The following WDFY3 variants were observed in gnomAD, a reference collection of about 807,000 sequenced individuals.
The protein encoded by WDFY3 is WD repeat and FYVE domain-containing protein 3.
In WDFY3, 66 loss-of-function variants were observed where a neutral mutation model predicts 409.6. That is an observed-to-expected ratio of 0.16 (90% CI 0.13 to 0.20). WDFY3 has a LOEUF of 0.20. Among genes scored for constraint, WDFY3 ranks in the 10% least tolerant of loss-of-function variants. The pLI is 1.00. For synonymous variants in WDFY3, 1,521 were observed against 1,537.1 expected (o/e 0.99, Z 0.25); for missense variants, 3,031 against 4,298.1 (o/e 0.71, Z 8.24).
At chr4:84,696,884 A>G in intron 56 of WDFY3, 61 bp from the exon 57 acceptor site, 4 of 1,442,952 alleles carry the variant, frequency 2.8e-6, no homozygotes, top group Non-Finnish European at 3.9e-6. Flanking sequence ...TGGTAACTTT[A>G]TATTAATCTG....
At chr4:84,927,697 A>G (rs1343023432) in intron 2 of WDFY3, among the ~76,000 whole-genome samples, 1 of 152,064 alleles carries the variant, frequency 6.6e-6, no homozygotes, top group Non-Finnish European at 1.5e-5. Flanking sequence ...AGTGTCTGGC[A>G]TTTCCTCTGC....
At chr4:84,697,045 C>T (rs1324847070) in intron 56 of WDFY3, among the ~76,000 whole-genome samples, 1 of 152,192 alleles carries the variant, frequency 6.6e-6, no homozygotes, top group Non-Finnish European at 1.5e-5. Flanking sequence ...CTGAGGCCCT[C>T]ACTGCCAATG....
At chr4:84,693,550 G>T (rs373627305) in intron 58 of WDFY3, among the ~76,000 whole-genome samples, 10 of 151,814 alleles carry the variant, frequency 6.6e-5, no homozygotes, top group African/African-American at 2.2e-4. Flanking sequence ...TGTTGTAAAG[G>T]GAAAAAAGAA....
At chr4:84,759,609 T>C (rs1466789578) in intron 32 of WDFY3, among the ~76,000 whole-genome samples, 2 of 150,056 alleles carry the variant, frequency 1.3e-5, no homozygotes, top group Non-Finnish European at 3.0e-5. Flanking sequence ...TCTGTTTGTC[T>C]GTTATTGGTG....
At chr4:84,898,006 A>G (rs1013555703) in intron 2 of WDFY3, among the ~76,000 whole-genome samples, 13 of 152,222 alleles carry the variant, frequency 8.5e-5, no homozygotes, top group Non-Finnish European at 1.5e-4. Context: ...GACATTCACA[A>G]AACCTCTTTT....
chr4:84,784,315 T>C (rs1477044552), intron 24 of WDFY3, among the ~76,000 whole-genome samples: 1 of 152,206 alleles, frequency 6.6e-6, no homozygotes, highest in Non-Finnish European at 1.5e-5. Context: ...CAGATTCGTA[T>C]TTCCAATGGC....
At chr4:84,919,417 G>C (rs1768950851) in intron 2 of WDFY3, among the ~76,000 whole-genome samples, 1 of 152,116 alleles carries the variant, frequency 6.6e-6, no homozygotes, top group Admixed American at 6.6e-5. Flanking sequence ...ATGAGGAGCT[G>C]TATATTTTAA....
Position 84,696,724 on chromosome 4 carries a change from T to C in WDFY3, c.8688+8A>G. The C allele has an allele frequency of 6.2e-7, 1 of 1,612,860 alleles. No individual in the cohort carries two copies. The highest frequency in any genetic ancestry group is 8.5e-7 in the Non-Finnish European group (1 of 1,179,188). ...TTCAACTTCAATTGTAAAATGTACT[T>C]CCATTACCTCACGATGGACTCTGAT... is the stretch of plus-strand genomic sequence containing the variant. On this transcript the variant is annotated splice_region_variant and intron_variant, in intron 57 of 67. Coordinates refer to ENST00000295888, the MANE Select transcript of WDFY3 (RefSeq NM_014991.6).
intron 2 of WDFY3, among the ~76,000 whole-genome samples, chr4:84,924,219 A>G (rs1388868205): frequency 6.6e-6 from 1 of 152,218 alleles, no homozygotes; most frequent in Non-Finnish European, 1.5e-5. Flanking sequence ...TAAAAAGCAG[A>G]TTTCTGAAAA....
rs190568175 is a variant in WDFY3, at chr4:84,881,612, T to A, written c.-32+15299A>T. Among the ~76,000 whole-genome samples, 652 of 149,238 alleles carry A rather than the reference T, an allele frequency of 4.4e-3. 8 individuals are homozygous for A. Among genetic ancestry groups the A allele is most frequent in the Non-Finnish European group, 6.1e-3 (415 of 67,582 alleles). On this transcript the variant is annotated intron_variant, in intron 3 of 67. Coordinates refer to ENST00000295888, the MANE Select transcript of WDFY3 (RefSeq NM_014991.6). ...AAAAAAAAAAGATTGTTAAGCCAGGTGCAGTGGCTCACGCCTGTAATCCCA... is the reference window on the plus strand; with the variant it reads ...AAAAAAAAAAGATTGTTAAGCCAGGAGCAGTGGCTCACGCCTGTAATCCCA...
chr4:84,797,846 C>T, intron 18 of WDFY3, 150 bp downstream of exon 18: 2 of 606,740 alleles, frequency 3.3e-6, no homozygotes, highest in African/African-American at 1.9e-5. Flanking sequence ...GCTGGGATTA[C>T]AGGCGTGAGC....
At chr4:84,921,381 A>T (rs1008471190) in intron 2 of WDFY3, among the ~76,000 whole-genome samples, 5 of 152,068 alleles carry the variant, frequency 3.3e-5, no homozygotes, top group African/African-American at 1.2e-4. Context: ...GGAAGGAAAA[A>T]GTTAAAAAGG....
At chr4:84,960,007 T>A (rs967723122) in intron 1 of WDFY3, among the ~76,000 whole-genome samples, 2 of 152,214 alleles carry the variant, frequency 1.3e-5, no homozygotes, top group Non-Finnish European at 2.9e-5. Context: ...TCTATGAATG[T>A]TAGAAATAAG....
chr4:84,829,167 C>A lies in WDFY3; in HGVS notation c.793G>T (p.Val265Phe). ...IHEKECLSTC[V>F]QNMQQSDDLS... ...TCATCTGATTGCTGCATATTCTGAA[C>A]ACATGTAGATAAACACTCTTTCTCT... Residue 265 changes from valine to phenylalanine, a missense_variant, in exon 9 of 68, where the codon GTT becomes TTT. By Grantham distance (50) the Val-to-Phe change is conservative. This residue lies in a region of WDFY3 where 1,322 missense variants were observed against 1,697.9 expected (regional missense o/e 0.78). Transcript: ENST00000295888. The A allele has an allele frequency of 6.2e-7, 1 of 1,604,934 alleles. No homozygotes were observed. The highest frequency in any genetic ancestry group is 8.5e-7 in the Non-Finnish European group (1 of 1,174,754).
chr4:84,800,409 G>GAT (rs1415746091), intron 17 of WDFY3, among the ~76,000 whole-genome samples: 5 of 152,080 alleles, frequency 3.3e-5, no homozygotes, highest in African/African-American at 1.2e-4. Context: ...GGAAATGACA[G>GAT]ATATATATGA....
intron 2 of WDFY3, among the ~76,000 whole-genome samples, chr4:84,901,163 C>G (rs1179369033): frequency 2.0e-5 from 3 of 152,156 alleles, no homozygotes; most frequent in Non-Finnish European, 4.4e-5. Context: ...AAGAAAGCAG[C>G]CTTCATGGTC....
At chr4:84,939,267 C>T (rs1771813304) in intron 1 of WDFY3, among the ~76,000 whole-genome samples, 1 of 152,114 alleles carries the variant, frequency 6.6e-6, no homozygotes, top group Non-Finnish European at 1.5e-5. Context: ...CAGTCTTGGC[C>T]AGAATACTAC....
chr4:84,766,346 C>A lies in WDFY3; in HGVS notation c.4876G>T (p.Val1626Leu), dbSNP rs757113037. ...CTCAAAAGTATAAGATTAGCTGATA[C>A]AAGACCTCCAAACTCCTCTTCAGTT... is the stretch of plus-strand genomic sequence containing the variant. ...TGTEEEFGGL[V>L]SANLILLRNR... The change falls in exon 31 of 68, where the codon GTA (valine) becomes TTA (leucine). Residue 1626 changes from valine to leucine, a missense_variant. Transcript: ENST00000295888. The A allele has an allele frequency of 2.5e-6, 4 of 1,601,160 alleles. No individual in the cohort carries two copies. The highest frequency in any genetic ancestry group is 3.6e-5 in the Admixed American group (2 of 56,192).
chr4:84,674,782 C>T (rs915618517), intron 67 of WDFY3, among the ~76,000 whole-genome samples: 30 of 150,086 alleles, frequency 2.0e-4, no homozygotes, highest in African/African-American at 6.6e-4. Context: ...GTAGAAGAAT[C>T]GCTTGAACCC....
Sources: gnomAD v4.1 joint callset for allele counts (sites outside exome capture counted in the v4.1 genomes callset) on GRCh38, gnomAD v4.1.1 for gene constraint, gnomAD v4.1.1 regional missense constraint, MANE v1.5 for transcripts, NCBI Gene and HGNC (gene_info 2026-07-23, HGNC 2026-07-21) for gene names.